TNS3: variants seen among roughly 807,000 people sequenced by gnomAD.
TNS3 encodes the protein tensin 3.
In TNS3, 45 loss-of-function variants were observed where a neutral mutation model predicts 140.9. The ratio of observed to expected loss-of-function variants is 0.32; its 90% CI spans 0.25 to 0.41. The LOEUF is 0.41. Among genes scored for constraint, TNS3 ranks in the 10% least tolerant of loss-of-function variants. The pLI is 1.00. For missense variants in TNS3, 1,716 were observed against 1,906.7 expected (o/e 0.90, Z 1.86); for synonymous variants, 815 against 788.4 (o/e 1.03, Z -0.56).
chr7:47,558,983 G>A (rs939254994), intron 1 of TNS3, among the ~76,000 whole-genome samples: 4 of 152,228 alleles, frequency 2.6e-5, no homozygotes, highest in Non-Finnish European at 5.9e-5. Context: ...CTGGAAGGCA[G>A]AAGCAAATCT....
At chr7:47,381,872 A>C (rs1791782070) in intron 16 of TNS3, among the ~76,000 whole-genome samples, 1 of 152,266 alleles carries the variant, frequency 6.6e-6, no homozygotes, top group Non-Finnish European at 1.5e-5. Context: ...TCTGCAAATG[A>C]TGTGATCACT....
chr7:47,526,955 G>A (rs936468797), intron 2 of TNS3, among the ~76,000 whole-genome samples: 21 of 152,182 alleles, frequency 1.4e-4, no homozygotes, highest in African/African-American at 1.9e-4. Context: ...ATTTCTGGCC[G>A]GGCGTGGTGG....
intron 3 of TNS3, among the ~76,000 whole-genome samples, chr7:47,502,383 T>C (rs1223957263): frequency 6.6e-6 from 1 of 152,220 alleles, no homozygotes; most frequent in Non-Finnish European, 1.5e-5. Flanking sequence ...ACTGAGCGTC[T>C]GTTGACGCCC....
intron 1 of TNS3, among the ~76,000 whole-genome samples, chr7:47,553,869 GCCTCCGGCTCACTGCAA>G (rs1223353272): frequency 4.6e-5 from 7 of 151,806 alleles, no homozygotes; most frequent in Admixed American, 4.6e-4. Context: ...GCTAACTGCA[GCCTCCGGCTCACTGCAA>G]CCTCCACCTC....
At chr7:47,479,075 T>C (rs967412447) in intron 4 of TNS3, among the ~76,000 whole-genome samples, 4 of 152,132 alleles carry the variant, frequency 2.6e-5, no homozygotes, top group Non-Finnish European at 5.9e-5. Context: ...GGGAGGGCTG[T>C]GCTCCAGGAG....
chr7:47,490,112 G>T (rs1797756863), intron 3 of TNS3, among the ~76,000 whole-genome samples: 1 of 152,192 alleles, frequency 6.6e-6, no homozygotes, highest in Non-Finnish European at 1.5e-5. Context: ...TTGAGTTGAT[G>T]AACCGTCTTT....
At chr7:47,515,693 A>G (rs1415460429) in intron 2 of TNS3, among the ~76,000 whole-genome samples, 1 of 151,888 alleles carries the variant, frequency 6.6e-6, no homozygotes, top group Non-Finnish European at 1.5e-5. Flanking sequence ...ATATACCATC[A>G]TCATCAATCA....
intron 16 of TNS3, among the ~76,000 whole-genome samples, chr7:47,372,095 C>T (rs1408975592): frequency 6.6e-6 from 1 of 152,220 alleles, no homozygotes; most frequent in Non-Finnish European, 1.5e-5. Context: ...CTGCTGTTTT[C>T]AGCGTGTGAG....
At chr7:47,571,130 T>C (rs1348966322) in intron 1 of TNS3, among the ~76,000 whole-genome samples, 2 of 152,158 alleles carry the variant, frequency 1.3e-5, no homozygotes, top group East Asian at 1.9e-4. Context: ...AACACTTCTT[T>C]TGGGGTCAGA....
intron 16 of TNS3, among the ~76,000 whole-genome samples, chr7:47,385,020 A>G (rs778030987): frequency 1.3e-4 from 20 of 152,228 alleles, no homozygotes; most frequent in Admixed American, 2.6e-4. Context: ...TCCACTCCCC[A>G]GACTGTTGTC....
intron 1 of TNS3, among the ~76,000 whole-genome samples, chr7:47,541,717 G>A (rs983011220): frequency 2.6e-5 from 4 of 152,134 alleles, no homozygotes; most frequent in Admixed American, 2.0e-4. Context: ...GTGAGGCTGA[G>A]GCGAGCGGAT....
chr7:47,419,606 T>C (rs958376911), intron 10 of TNS3, among the ~76,000 whole-genome samples: 4 of 152,238 alleles, frequency 2.6e-5, no homozygotes, highest in African/African-American at 9.6e-5. Context: ...GAAAGCGGCT[T>C]GAATTCTGCC....
chr7:47,569,777 CTGG>C, intron 1 of TNS3, among the ~76,000 whole-genome samples: 1 of 151,942 alleles, frequency 6.6e-6, no homozygotes. Context: ...TCACTTGAAC[CTGG>C]TAGGTGGAGG....
chr7:47,283,667 G>A, intron 28 of TNS3, 30 bp downstream of exon 28: 1 of 1,512,750 alleles, frequency 6.6e-7, no homozygotes, highest in South Asian at 1.3e-5. Context: ...GCCCCTGCTG[G>A]ACGGCTCCTG....
At chr7:47,341,904 T>A (rs1388141362) in intron 20 of TNS3, among the ~76,000 whole-genome samples, 2 of 152,094 alleles carry the variant, frequency 1.3e-5, no homozygotes, top group Admixed American at 6.6e-5. Context: ...ATTTTTGATA[T>A]TTTATCCTCA....
chr7:47,481,446 C>G (rs1797414982), intron 3 of TNS3, among the ~76,000 whole-genome samples: 1 of 152,136 alleles, frequency 6.6e-6, no homozygotes, highest in Non-Finnish European at 1.5e-5. Context: ...TGGTAGACCT[C>G]AAGGATGGAA....
At chr7:47,486,016 G>C (rs1303332909) in intron 3 of TNS3, among the ~76,000 whole-genome samples, 1 of 151,610 alleles carries the variant, frequency 6.6e-6, no homozygotes, top group African/African-American at 2.4e-5. Flanking sequence ...GTGTGGAGGT[G>C]AGTGTGTGTG....
chr7:47,363,015 T>C (rs1419140473), intron 17 of TNS3, among the ~76,000 whole-genome samples: 8 of 1,418 alleles, frequency 5.6e-3, no homozygotes, highest in African/African-American at 0.013. Context: ...ATCACCATCA[T>C]CAGGGTCATC....
intron 20 of TNS3, among the ~76,000 whole-genome samples, chr7:47,339,638 T>A (rs1788834874): frequency 6.6e-6 from 1 of 152,184 alleles, no homozygotes; most frequent in Non-Finnish European, 1.5e-5. Flanking sequence ...TTCCACTTAA[T>A]TCTTTCTCAA....
Sources: allele counts gnomAD v4.1 joint callset (sites outside exome capture counted in the v4.1 genomes callset), GRCh38; gene constraint gnomAD v4.1.1; transcripts MANE v1.5; gene names NCBI Gene and HGNC (gene_info 2026-07-23, HGNC 2026-07-21).